Variants in SLC38A6 observed in about 807,000 individuals in gnomAD.
The protein encoded by SLC38A6 is N system amino acid transporter NAT-1.
A neutral mutation model predicts 65.0 loss-of-function variants in SLC38A6; 73 were observed. That is an observed-to-expected ratio of 1.12 (90% confidence interval 0.93 to 1.37). The LOEUF is 1.37. Among genes scored for constraint, SLC38A6 ranks in the 40% most tolerant of loss-of-function variants. SLC38A6 has a pLI of 0.00. For synonymous variants in SLC38A6, 183 were observed against 178.8 expected (o/e 1.02, Z -0.19); for missense variants, 561 against 531.1 (o/e 1.06, Z -0.55).
chr14:61,065,228 C>G (rs574909728), intron 15 of SLC38A6, among the ~76,000 whole-genome samples: 13 of 152,238 alleles, frequency 8.5e-5, no homozygotes, highest in Non-Finnish European at 1.8e-4. Context: ...TCCAGCAATT[C>G]CATATCTGGC....
chr14:61,075,163 A>T (rs2043357554), intron 15 of SLC38A6, among the ~76,000 whole-genome samples: 2 of 152,360 alleles, frequency 1.3e-5, no homozygotes, highest in African/African-American at 4.8e-5. Flanking sequence ...GTCTAGAGGA[A>T]AAGTGGCTGA....
chr14:61,009,564 A>G (rs1043750347), intron 3 of SLC38A6, among the ~76,000 whole-genome samples: 1 of 147,206 alleles, frequency 6.8e-6, no homozygotes, highest in African/African-American at 2.5e-5. Flanking sequence ...GGGATGTGTG[A>G]TATTCCCCTT....
chr14:61,063,864 A>G (rs894141784), intron 15 of SLC38A6, among the ~76,000 whole-genome samples: 3 of 152,246 alleles, frequency 2.0e-5, no homozygotes, highest in African/African-American at 7.2e-5. Flanking sequence ...CCTATTATAC[A>G]GGGTCATATT....
In SLC38A6 at chr14:60,981,268, G is replaced by A; in HGVS notation, c.-10G>A. ...TCGTAGATGGAACTGGTAGTCAGCT[G>A]GAGAGCAGCATGGAGGCGTCCTGGG... On this transcript the variant is annotated 5_prime_UTR_variant, in exon 1 of 16. It introduces an in-frame stop codon into an upstream open reading frame of the 5' UTR. Transcript: ENST00000267488. 3.1e-6 allele frequency: 5 copies of A among 1,594,094 alleles called. No individual in the cohort carries two copies. Among genetic ancestry groups the A allele is most frequent in the Non-Finnish European group, 4.3e-6 (5 of 1,170,424 alleles).
At chr14:61,015,736 T>G (rs1295809765) in intron 3 of SLC38A6, among the ~76,000 whole-genome samples, 168 bp from the exon 4 acceptor site, 2 of 152,184 alleles carry the variant, frequency 1.3e-5, no homozygotes, top group African/African-American at 4.8e-5. Context: ...AGTGTTGCCT[T>G]TATTTGAGGA....
chr14:61,000,077 T>C (rs2038597836), intron 3 of SLC38A6, among the ~76,000 whole-genome samples: 1 of 152,174 alleles, frequency 6.6e-6, no homozygotes, highest in Non-Finnish European at 1.5e-5. Context: ...TAGGAAACAA[T>C]TTTTTGCAAA....
intron 15 of SLC38A6, among the ~76,000 whole-genome samples, chr14:61,067,288 T>TG (rs2043052513): frequency 6.6e-6 from 1 of 152,148 alleles, no homozygotes; most frequent in Non-Finnish European, 1.5e-5. Context: ...ATTACATATT[T>TG]GGGAAAAACT....
intron 12 of SLC38A6, among the ~76,000 whole-genome samples, chr14:61,049,396 C>T (rs2042368718): frequency 6.6e-6 from 1 of 152,190 alleles, no homozygotes; most frequent in Admixed American, 6.6e-5. Flanking sequence ...TCTTCCCCCA[C>T]ATCTTTGAAC....
At chr14:61,047,715 G>A (rs1031455606) in intron 12 of SLC38A6, among the ~76,000 whole-genome samples, 1 of 152,034 alleles carries the variant, frequency 6.6e-6, no homozygotes, top group Non-Finnish European at 1.5e-5. Context: ...GAACACAAAG[G>A]CTAAAGGTTT....
intron 8 of SLC38A6, among the ~76,000 whole-genome samples, chr14:61,038,906 A>G (rs2041590829): frequency 6.6e-6 from 1 of 152,218 alleles, no homozygotes; most frequent in Non-Finnish European, 1.5e-5. Flanking sequence ...TGTAGGCTCC[A>G]TATTGAAAAA....
At chr14:61,006,934 C>A (rs929058668) in intron 3 of SLC38A6, among the ~76,000 whole-genome samples, 8 of 152,124 alleles carry the variant, frequency 5.3e-5, no homozygotes, top group African/African-American at 1.7e-4. Context: ...AAATGTCCAA[C>A]AATGATAGAG....
At chr14:61,007,617 G>T (rs1003230468) in intron 3 of SLC38A6, among the ~76,000 whole-genome samples, 3 of 152,114 alleles carry the variant, frequency 2.0e-5, no homozygotes, top group Non-Finnish European at 4.4e-5. Context: ...ACTCTAGCTT[G>T]GGTTACAGAG....
intron 12 of SLC38A6, among the ~76,000 whole-genome samples, chr14:61,048,558 T>C (rs2042303860): frequency 6.6e-6 from 1 of 152,144 alleles, no homozygotes; most frequent in African/African-American, 2.4e-5. Context: ...AGAAGAAGTG[T>C]TTTCATCCTG....
chr14:60,984,413 A>G (rs1448448266), intron 2 of SLC38A6, among the ~76,000 whole-genome samples: 2 of 152,136 alleles, frequency 1.3e-5, no homozygotes, highest in Admixed American at 6.5e-5. Context: ...TAAAAAGGAA[A>G]TATTACAAGA....
At chr14:61,003,428 G>A (rs1047185072) in intron 3 of SLC38A6, among the ~76,000 whole-genome samples, 1 of 152,020 alleles carries the variant, frequency 6.6e-6, no homozygotes. Flanking sequence ...TGTTTTTCCA[G>A]TTGAAACAAT....
At chr14:61,017,299 C>G (rs1408731578) in intron 4 of SLC38A6, among the ~76,000 whole-genome samples, 1 of 152,194 alleles carries the variant, frequency 6.6e-6, no homozygotes, top group Non-Finnish European at 1.5e-5. Flanking sequence ...CTCGGCCTCC[C>G]AACGTGCTGG....
intron 15 of SLC38A6, among the ~76,000 whole-genome samples, chr14:61,062,316 C>G (rs1566723079): frequency 6.6e-6 from 1 of 152,190 alleles, no homozygotes; most frequent in Non-Finnish European, 1.5e-5. Flanking sequence ...TGTCTTACAT[C>G]CTCACCAGCA....
intron 3 of SLC38A6, among the ~76,000 whole-genome samples, chr14:61,012,749 C>G (rs866460521): frequency 3.3e-5 from 5 of 152,004 alleles, no homozygotes; most frequent in African/African-American, 9.7e-5. Context: ...GTCTGAGAGA[C>G]AGTTTGTTAT....
intron 5 of SLC38A6, among the ~76,000 whole-genome samples, chr14:61,025,093 A>G (rs1306948859): frequency 3.3e-5 from 5 of 152,160 alleles, no homozygotes; most frequent in African/African-American, 1.2e-4. Flanking sequence ...TCAGTCTGGC[A>G]CAGAATCCAC....
Sources: allele counts gnomAD v4.1 joint callset (sites outside exome capture counted in the v4.1 genomes callset), GRCh38; gene constraint gnomAD v4.1.1; transcripts MANE v1.5; gene names NCBI Gene and HGNC (gene_info 2026-07-23, HGNC 2026-07-21).